Variants in TBC1D25 observed in about 807,000 individuals in gnomAD.
TBC1D25 encodes TBC1 domain family member 25.
A neutral mutation model predicts 38.8 loss-of-function variants in TBC1D25; 13 were observed. That is an observed-to-expected ratio of 0.34 (90% CI 0.22 to 0.53). The LOEUF is 0.53. TBC1D25 is among the 20% of genes least tolerant of loss of function. The pLI is 0.94. For synonymous variants in TBC1D25, 225 were observed against 255.6 expected, an observed-to-expected ratio of 0.88 and a Z score of 1.14; for missense variants, 372 against 600.0, an observed-to-expected ratio of 0.62 and a Z score of 3.97.
Position 48,561,287 on chromosome X carries a change from T to G in TBC1D25, c.*312T>G. ...GTAGATGGAGTCCTCAGGGGCCCTTTACCTGATGGAGGGGAAATACTTCAC... is the reference window on the plus strand; with the variant it reads ...GTAGATGGAGTCCTCAGGGGCCCTTGACCTGATGGAGGGGAAATACTTCAC... On this transcript the variant is annotated 3_prime_UTR_variant, in exon 6 of 6. Coordinates refer to ENST00000376771, the MANE Select transcript of TBC1D25 (RefSeq NM_002536.4). 2 of 227,605 alleles carry G rather than the reference T, an allele frequency of 8.8e-6. No individual in the cohort carries two copies. The highest frequency in any genetic ancestry group is 7.9e-6 in the Non-Finnish European group (1 of 127,003). 18.8% of individuals were successfully genotyped at this position (227,605 alleles called of 1,213,427 possible).
In TBC1D25 at chrX:48,539,751, G is replaced by A. The variant is rs374246467; in HGVS notation, c.-47G>A. On this transcript the variant is annotated 5_prime_UTR_variant, in exon 1 of 6. Coordinates refer to ENST00000376771, the MANE Select transcript of TBC1D25 (RefSeq NM_002536.4). ...GTCAGTACAGTAGAGTGTGCGCCGG[G>A]GTGGGGGGCAACGGTCAGCCGTCAC... 1.4e-3 allele frequency: 1,308 copies of A among 944,602 alleles called. 4 individuals carry two copies. Among genetic ancestry groups the A allele is most frequent in the Non-Finnish European group, 1.3e-3 (995 of 759,103 alleles). The allele number at this position is 944,602 out of a possible 1,213,427, so 77.8% of individuals were successfully genotyped here.
Position 48,561,176 on chromosome X carries a change from G to GTT in TBC1D25, c.*202_*203dup, listed in dbSNP as rs782078843. On this transcript the variant is annotated 3_prime_UTR_variant, in exon 6 of 6. Coordinates refer to ENST00000376771, the MANE Select transcript of TBC1D25 (RefSeq NM_002536.4). Reference sequence around the variant, plus strand: ...GGCCACGCCTATTTATTCTGTTTCTGTTGTTTTGTTTTTAACAACTATACT... The same window carrying GTT: ...GGCCACGCCTATTTATTCTGTTTCTGTTTTGTTTTGTTTTTAACAACTATACT... The GTT allele has an allele frequency of 1.4e-5, 6 of 435,168 alleles. No individual in the cohort carries two copies. The highest frequency in any genetic ancestry group is 1.9e-5 in the Non-Finnish European group (5 of 264,119). 35.9% of individuals were successfully genotyped at this position (435,168 alleles called of 1,213,427 possible).
intron 2 of TBC1D25, among the ~76,000 whole-genome samples, chrX:48,543,876 T>C: frequency 1.3e-5 from 1 of 74,483 alleles, no homozygotes; most frequent in Non-Finnish European, 2.4e-5. Context: ...AGAGTGAGAC[T>C]CCGTCTCAAA....
At position 48,560,257 on chromosome X, in the gene TBC1D25, G is replaced by C. The variant is rs782791687; in HGVS notation, c.1349G>C (p.Ser450Thr). ...EHEVELVGPP[S>T]QVADAGFGGH... ...GAGGTAGAGCTGGTTGGACCCCCCA[G>C]CCAAGTGGCAGACGCTGGTTTTGGT... The change falls in exon 6 of 6, where the codon AGC becomes ACC. Residue 450 changes from serine (S) to threonine (T), a missense_variant. Around this residue, in one of 2 missense-constraint regions of TBC1D25, gnomAD observed 312 missense variants for 549.3 expected, o/e 0.57. Transcript: ENST00000376771. 1.7e-6 allele frequency: 2 copies of C among 1,211,602 alleles called. No homozygotes were observed. The highest frequency in any genetic ancestry group is 5.9e-5 in the East Asian group (2 of 33,828).
At chrX:48,557,495 T>G (rs1298814178) in intron 3 of TBC1D25, among the ~76,000 whole-genome samples, 1 of 109,248 alleles carries the variant, frequency 9.2e-6, no homozygotes, top group Non-Finnish European at 1.9e-5. Context: ...AATATAAAAT[T>G]CACCAGGCAT....
chrX:48,545,984 C>T (rs1382482674), intron 3 of TBC1D25, among the ~76,000 whole-genome samples: 3 of 109,922 alleles, frequency 2.7e-5, no homozygotes, highest in Non-Finnish European at 3.8e-5. Context: ...CTGAGGCAGG[C>T]GGATCACCTG....
intron 3 of TBC1D25, among the ~76,000 whole-genome samples, chrX:48,557,683 C>T (rs1556984806): frequency 9.1e-6 from 1 of 110,320 alleles, no homozygotes; most frequent in Non-Finnish European, 1.9e-5. Flanking sequence ...GTGGCAGGCA[C>T]CTGTAATCCC....
At chrX:48,550,677 G>T (rs1354220432) in intron 3 of TBC1D25, among the ~76,000 whole-genome samples, 140 of 59,178 alleles carry the variant, frequency 2.4e-3, no homozygotes, top group Admixed American at 3.2e-3. Context: ...TTTTTTTTTT[G>T]GAGATGGAGT....
At chrX:48,552,393 C>T (rs1181057430) in intron 3 of TBC1D25, among the ~76,000 whole-genome samples, 2 of 98,263 alleles carry the variant, frequency 2.0e-5, no homozygotes, top group East Asian at 3.2e-4. Context: ...TTCGCTCTGT[C>T]GCCCAGACTG....
chrX:48,559,805 C>T lies in TBC1D25; in HGVS notation c.897C>T (p.His299=). The T allele has an allele frequency of 8.3e-7, 1 of 1,212,060 alleles. No individual in the cohort carries two copies. Among genetic ancestry groups the T allele is most frequent in the Non-Finnish European group, 1.1e-6 (1 of 895,561 alleles). The change falls in exon 6 of 6, where the codon CAC becomes CAT. Residue 299 remains histidine, a synonymous_variant. Coordinates refer to ENST00000376771, the MANE Select transcript of TBC1D25 (RefSeq NM_002536.4). Reference sequence around the variant, plus strand: ...ATGTACTGCGCACTGACCGGGCCCACCCCTACTATGCGGGGCCTGAGGATG... The same window carrying T: ...ATGTACTGCGCACTGACCGGGCCCATCCCTACTATGCGGGGCCTGAGGATG... The part of the protein sequence containing the change: ...LKDVLRTDRA[H]PYYAGPEDGP...
intron 2 of TBC1D25, among the ~76,000 whole-genome samples, chrX:48,543,750 G>T (rs1283737208): frequency 9.2e-6 from 1 of 108,244 alleles, no homozygotes; most frequent in East Asian, 3.0e-4. Flanking sequence ...CAGGCGTGGT[G>T]GTGGGCGCCT....
intron 3 of TBC1D25, among the ~76,000 whole-genome samples, chrX:48,545,343 A>AACATACATATAACAT (rs1325472654): frequency 8.9e-6 from 1 of 112,690 alleles, no homozygotes; most frequent in Non-Finnish European, 1.9e-5. Flanking sequence ...ATACTATTAT[A>AACATACATATAACAT]ACATATAACC....
At chrX:48,546,357 C>CA (rs1556981774) in intron 3 of TBC1D25, among the ~76,000 whole-genome samples, 1 of 105,597 alleles carries the variant, frequency 9.5e-6, no homozygotes, top group Non-Finnish European at 1.9e-5. Flanking sequence ...ACTAAAAATA[C>CA]AAAAAAATAG....
intron 2 of TBC1D25, among the ~76,000 whole-genome samples, chrX:48,543,887 A>AC (rs1348078141): frequency 9.1e-6 from 1 of 109,670 alleles, no homozygotes; most frequent in Non-Finnish European, 1.9e-5. Context: ...CCGTCTCAAA[A>AC]AAAAAAAAAA....
chrX:48,540,071 G>A (rs973601652), intron 1 of TBC1D25, 151 bp downstream of exon 1: 47 of 778,929 alleles, frequency 6.0e-5, no homozygotes, highest in Non-Finnish European at 7.7e-5. Context: ...GAGGGGTAGG[G>A]AGGGCCTGAG....
At chrX:48,559,538 G>A (rs2062003985) in intron 5 of TBC1D25, 76 bp from the exon 6 acceptor site, 5 of 1,150,984 alleles carry the variant, frequency 4.3e-6, no homozygotes, top group Non-Finnish European at 5.8e-6. Flanking sequence ...AGGGGGGTGG[G>A]TGGGTGGCAA....
chrX:48,550,805 G>A (rs2061925605), intron 3 of TBC1D25, among the ~76,000 whole-genome samples: 1 of 110,677 alleles, frequency 9.0e-6, no homozygotes, highest in South Asian at 3.8e-4. Context: ...GACCACAGGC[G>A]CTCGCCACCA....
Position 48,544,911 on chromosome X carries a change from A to G in TBC1D25, c.276A>G (p.Leu92=), listed in dbSNP as rs782307593. The G allele has an allele frequency of 4.1e-6, 5 of 1,210,407 alleles. No individual in the cohort carries two copies. The African/African-American group carries it at 7.0e-5, about 17-fold the overall frequency. The change falls in exon 3 of 6, where the codon CTA becomes CTG. Residue 92 remains leucine (L), a synonymous_variant. Coordinates refer to ENST00000376771, the MANE Select transcript of TBC1D25 (RefSeq NM_002536.4). ...FGISYLGRDR[L]GQEVYLSLLS... is the part of the protein sequence containing the mutation. ...TCAGCTACCTGGGCCGGGACCGGCT[A>G]GGACAGGAAGTTTACCTCTCACTTC... is the stretch of plus-strand genomic sequence containing the variant.
chrX:48,555,831 C>CTG (rs782725127), intron 3 of TBC1D25, among the ~76,000 whole-genome samples: 1 of 110,107 alleles, frequency 9.1e-6, no homozygotes, highest in Non-Finnish European at 1.9e-5. Context: ...AGGAAAGGTA[C>CTG]TGTGCCTGGA....
Sources: allele counts gnomAD v4.1 joint callset (sites outside exome capture counted in the v4.1 genomes callset), GRCh38; gene constraint gnomAD v4.1.1; regional missense constraint gnomAD v4.1.1; transcripts MANE v1.5; gene names NCBI Gene and HGNC (gene_info 2026-07-23, HGNC 2026-07-21).